The following LHFPL3 variants were observed in gnomAD, a reference collection of about 807,000 sequenced individuals.
The protein encoded by LHFPL3 is LHFPL tetraspan subfamily member 3.
LHFPL3 carries 5 observed loss-of-function variants against 19.3 expected under a neutral mutation model. The observed-to-expected ratio is 0.26, with a 90% CI of 0.14 to 0.54. LHFPL3 has a LOEUF of 0.54. Ranked by LOEUF, LHFPL3 falls within the 20% of genes least tolerant of loss-of-function variation. The pLI is 0.94. For missense variants in LHFPL3, 249 were observed against 307.4 expected, an observed-to-expected ratio of 0.81 and a Z score of 1.42; for synonymous variants, 133 against 126.2, an observed-to-expected ratio of 1.05 and a Z score of -0.36.
chr7:104,434,435 T>C (rs953759616), intron 1 of LHFPL3, among the ~76,000 whole-genome samples: 1 of 152,228 alleles, frequency 6.6e-6, no homozygotes, highest in African/African-American at 2.4e-5. Flanking sequence ...CATGCATCGC[T>C]TACACCTTTG....
chr7:104,593,237 T>G (rs1790764850), intron 1 of LHFPL3, among the ~76,000 whole-genome samples: 3 of 152,196 alleles, frequency 2.0e-5, no homozygotes, highest in Non-Finnish European at 4.4e-5. Flanking sequence ...TGGTATGTTG[T>G]GTCTTTGTTC....
chr7:104,829,536 T>C (rs1186494980), intron 2 of LHFPL3, among the ~76,000 whole-genome samples: 1 of 150,868 alleles, frequency 6.6e-6, no homozygotes, highest in East Asian at 2.0e-4. Flanking sequence ...TGTGTCCAGG[T>C]GTTCTCATTG....
chr7:104,771,147 CT>C (rs1301487754), intron 2 of LHFPL3, among the ~76,000 whole-genome samples: 2 of 152,216 alleles, frequency 1.3e-5, no homozygotes, highest in Admixed American at 1.3e-4. Flanking sequence ...TGGGCAGCTT[CT>C]TGCCAAACTT....
chr7:104,572,392 G>C (rs192537713), intron 1 of LHFPL3, among the ~76,000 whole-genome samples: 5 of 152,174 alleles, frequency 3.3e-5, no homozygotes, highest in Admixed American at 6.5e-5. Context: ...GATCAAGTCT[G>C]TTTTATTTCA....
rs1035079226 is a variant in LHFPL3 at position 104,894,253 on chromosome 7, G to A, written c.683-11934G>A. Among the ~76,000 whole-genome samples, 14 of 152,238 alleles carry A rather than the reference G, an allele frequency of 9.2e-5. No individual in the cohort carries two copies. In the East Asian group the frequency reaches 2.1e-3, roughly 23 times the overall value. ...TTAATAATATTACCTGCCCCGTAAC[G>A]GTATTTGCAGGATTGCATAACATAA... On this transcript the variant is annotated intron_variant, in intron 2 of 2. Transcript: ENST00000424859.
At chr7:104,714,165 AC>A (rs1793345001) in intron 1 of LHFPL3, among the ~76,000 whole-genome samples, 1 of 152,196 alleles carries the variant, frequency 6.6e-6, no homozygotes, top group South Asian at 2.1e-4. Flanking sequence ...CACTTAGTAC[AC>A]TGACTTCTTT....
chr7:104,378,503 A>G (rs1355306235), intron 1 of LHFPL3, among the ~76,000 whole-genome samples: 1 of 152,164 alleles, frequency 6.6e-6, no homozygotes, highest in Non-Finnish European at 1.5e-5. Flanking sequence ...TGCTGTGAGT[A>G]CTCATGTACA....
intron 1 of LHFPL3, among the ~76,000 whole-genome samples, chr7:104,535,428 A>G (rs1794373506): frequency 6.6e-6 from 1 of 152,330 alleles, no homozygotes; most frequent in South Asian, 2.1e-4. Flanking sequence ...GATTCTGTGC[A>G]TGCCCACATA....
intron 1 of LHFPL3, among the ~76,000 whole-genome samples, chr7:104,625,958 T>C (rs865828158): frequency 5.9e-5 from 9 of 152,198 alleles, no homozygotes; most frequent in South Asian, 4.1e-4. Context: ...TCATCTTTCC[T>C]CCCATGGCTC....
chr7:104,685,347 G>A lies in LHFPL3; in HGVS notation c.446-51328G>A, dbSNP rs548249867. ...GGCAACAGAGTAAGATTCTGCTCAA[G>A]AGAAAAATAAATAAATATAGAATTT... On this transcript the variant is annotated intron_variant, in intron 1 of 2. Coordinates refer to ENST00000424859, the MANE Select transcript of LHFPL3 (RefSeq NM_199000.3). Among the ~76,000 whole-genome samples the A allele has an allele frequency of 3.9e-5, 6 of 152,226 alleles. No individual in the cohort carries two copies. The South Asian group carries it at 1.2e-3, about 32-fold the overall frequency.
chr7:104,590,607 G>T, intron 1 of LHFPL3, among the ~76,000 whole-genome samples: 1 of 152,290 alleles, frequency 6.6e-6, no homozygotes, highest in Middle Eastern at 3.4e-3. Flanking sequence ...GGGGTGGAGA[G>T]TTCTGTAATT....
chr7:104,581,540 C>T (rs930605991), intron 1 of LHFPL3, among the ~76,000 whole-genome samples: 1 of 151,878 alleles, frequency 6.6e-6, no homozygotes, highest in Non-Finnish European at 1.5e-5. Flanking sequence ...TTATTTTATG[C>T]CTACTATGCA....
intron 1 of LHFPL3, among the ~76,000 whole-genome samples, chr7:104,450,760 A>G (rs1287690023): frequency 2.6e-5 from 4 of 152,204 alleles, no homozygotes; most frequent in African/African-American, 9.7e-5. Flanking sequence ...GCAACATTCT[A>G]TTAAGTAAAA....
intron 1 of LHFPL3, among the ~76,000 whole-genome samples, chr7:104,729,413 A>C: frequency 6.6e-6 from 1 of 152,282 alleles, no homozygotes; most frequent in Non-Finnish European, 1.5e-5. Flanking sequence ...TGAAATGTAT[A>C]ATATAATGTT....
rs533477894 is a variant in LHFPL3 at position 104,645,207 on chromosome 7, T to C, written c.446-91468T>C. On this transcript the variant is annotated intron_variant, in intron 1 of 2. Transcript: ENST00000424859. ...GGGCCGGGGTTATGGCTAATGAGGC[T>C]GGCCATAAAAACAGCTCTGTTTAAT... Among the ~76,000 whole-genome samples, 3 of 152,354 alleles carry C rather than the reference T, an allele frequency of 2.0e-5. No homozygotes were observed. In the South Asian group the frequency reaches 6.2e-4, roughly 32 times the overall value.
At chr7:104,567,017 G>A (rs932225248) in intron 1 of LHFPL3, among the ~76,000 whole-genome samples, 14 of 152,018 alleles carry the variant, frequency 9.2e-5, no homozygotes, top group African/African-American at 3.4e-4. Context: ...GTAATTCTTG[G>A]CAAACTTGGC....
At chr7:104,789,454 A>G (rs188728240) in intron 2 of LHFPL3, among the ~76,000 whole-genome samples, 26 of 152,154 alleles carry the variant, frequency 1.7e-4, no homozygotes, top group African/African-American at 6.0e-4. Flanking sequence ...GGGCTTTTCC[A>G]TGTTCCAATC....
chr7:104,352,637 A>G (rs964914020), intron 1 of LHFPL3, among the ~76,000 whole-genome samples: 1 of 152,178 alleles, frequency 6.6e-6, no homozygotes, highest in Non-Finnish European at 1.5e-5. Flanking sequence ...TGAATCCTGT[A>G]GTAGGCACTA....
chr7:104,648,994 C>T (rs1791980064), intron 1 of LHFPL3, among the ~76,000 whole-genome samples: 1 of 152,212 alleles, frequency 6.6e-6, no homozygotes, highest in Non-Finnish European at 1.5e-5. Context: ...CCTTTATGTT[C>T]TTCCCCTCCT....
Sources: allele counts gnomAD v4.1 joint callset (sites outside exome capture counted in the v4.1 genomes callset), GRCh38; gene constraint gnomAD v4.1.1; transcripts MANE v1.5; gene names NCBI Gene and HGNC (gene_info 2026-07-23, HGNC 2026-07-21).